SYNE1: variants seen among roughly 807,000 people sequenced by gnomAD.
SYNE1 encodes spectrin repeat containing nuclear envelope protein 1.
In SYNE1, 616 loss-of-function variants were observed where a neutral mutation model predicts 1,111.0. The ratio of observed to expected loss-of-function variants is 0.55; its 90% CI spans 0.52 to 0.59. The LOEUF (loss-of-function observed/expected upper bound fraction) is 0.59. Ranked by LOEUF, SYNE1 falls within the 20% of genes least tolerant of loss-of-function variation. The pLI is 0.00. For synonymous variants in SYNE1, 3,855 were observed against 3,825.8 expected (o/e 1.01, Z -0.28); for missense variants, 10,006 against 10,417.0 (o/e 0.96, Z 1.72).
intron 3 of SYNE1, among the ~76,000 whole-genome samples, chr6:152,613,435 C>A (rs2128815165): frequency 6.6e-6 from 1 of 152,258 alleles, no homozygotes; most frequent in South Asian, 2.1e-4. Context: ...AGGAATCCAA[C>A]TTACAAGGGA....
intron 21 of SYNE1, among the ~76,000 whole-genome samples, chr6:152,461,109 C>G (rs1452669603): frequency 1.3e-5 from 2 of 152,094 alleles, no homozygotes; most frequent in African/African-American, 4.8e-5. Context: ...CTGCACCTGG[C>G]CTAAATGTAT....
intron 50 of SYNE1, among the ~76,000 whole-genome samples, chr6:152,396,397 A>G (rs1241014888): frequency 6.6e-6 from 1 of 152,190 alleles, no homozygotes; most frequent in East Asian, 1.9e-4. Context: ...ATCTAGATCC[A>G]CAGAATTCAA....
chr6:152,452,059 T>A (rs2295041), intron 25 of SYNE1, among the ~76,000 whole-genome samples: 22,658 of 151,420 alleles, frequency 0.15, 1,931 homozygotes, highest in East Asian at 0.43. Flanking sequence ...ACCTGCCATA[T>A]CCTCTTTTCC....
chr6:152,222,280 T>G (rs9371244), intron 117 of SYNE1, among the ~76,000 whole-genome samples: 35,595 of 152,088 alleles, frequency 0.23, 4,661 homozygotes, highest in East Asian at 0.55. Context: ...AGAAATCCTT[T>G]AAGTGCTCAT....
chr6:152,159,021 G>A (rs931826301), intron 131 of SYNE1, among the ~76,000 whole-genome samples: 5 of 152,048 alleles, frequency 3.3e-5, no homozygotes, highest in East Asian at 1.9e-4. Context: ...GCACAATCTC[G>A]GCTCACTGCA....
chr6:152,331,157 C>G lies in SYNE1; in HGVS notation c.13528G>C (p.Val4510Leu). Residue 4510 changes from valine to leucine, a missense_variant, in exon 78 of 146, where the codon GTC becomes CTC. Around this residue, in one of 7 missense-constraint regions of SYNE1, gnomAD observed 4,955 missense variants for 5,017.2 expected, o/e 0.99. Coordinates refer to ENST00000367255, the MANE Select transcript of SYNE1 (RefSeq NM_182961.4). ...CGACCCTGGGCCCAAAGTCCAGTGA[C>G]TTCATTTTGGTAAGTCTTGAGGCTG... Reference protein sequence around the residue: ...QASLKTYQNEVTGLWAQGREL... With the variant: ...QASLKTYQNELTGLWAQGREL... 1 of 1,614,104 alleles carries G rather than the reference C, an allele frequency of 6.2e-7. No individual in the cohort carries two copies. The highest frequency in any genetic ancestry group is 8.5e-7 in the Non-Finnish European group (1 of 1,180,036).
At chr6:152,314,673 GAATA>G (rs1009804781) in intron 87 of SYNE1, among the ~76,000 whole-genome samples, 4 of 152,010 alleles carry the variant, frequency 2.6e-5, no homozygotes, top group African/African-American at 9.7e-5. Context: ...TATGTTTGTT[GAATA>G]AATAAACAAA....
chr6:152,223,203 C>A (rs997440941), intron 117 of SYNE1, among the ~76,000 whole-genome samples: 1 of 152,154 alleles, frequency 6.6e-6, no homozygotes, highest in African/African-American at 2.4e-5. Context: ...ATAAGATGTG[C>A]TTTTAAATTT....
At chr6:152,353,809 T>A in intron 67 of SYNE1, 65 bp from the exon 68 acceptor site, 1 of 1,594,324 alleles carries the variant, frequency 6.3e-7, no homozygotes, top group Non-Finnish European at 8.6e-7. Context: ...CAAATGTATA[T>A]CTTCTTATAG....
intron 52 of SYNE1, 51 bp downstream of exon 52, chr6:152,391,226 A>G (rs553100100): frequency 6.2e-7 from 1 of 1,610,012 alleles, no homozygotes; most frequent in African/African-American, 1.3e-5. Flanking sequence ...TTGTGAATCT[A>G]ATCAAATTAG....
At chr6:152,266,762 C>T (rs1272229883) in intron 100 of SYNE1, among the ~76,000 whole-genome samples, 2 of 152,130 alleles carry the variant, frequency 1.3e-5, no homozygotes, top group Non-Finnish European at 2.9e-5. Context: ...ATATCTGCTG[C>T]AATTGCATTT....
rs755192690 is a variant in SYNE1 at position 152,331,065 on chromosome 6, C to G, written c.13620G>C (p.Gln4540His). 6.2e-7 allele frequency: 1 copy of G among 1,614,160 alleles called. No homozygotes were observed. The highest frequency in any genetic ancestry group is 1.7e-5 in the Admixed American group (1 of 60,034). ...TTTGTAAAACACTGTCATAGACACT[C>G]TGCAATTCCTGAAGCTTCCCCAGCA... The part of the protein sequence containing the change: ...SEVLGKLQEL[Q>H]SVYDSVLQKC... Residue 4540 changes from glutamine to histidine, a missense_variant, in exon 78 of 146, where the codon CAG becomes CAC. Transcript: ENST00000367255.
chr6:152,217,845 T>C (rs2079113499), intron 121 of SYNE1, among the ~76,000 whole-genome samples: 1 of 152,124 alleles, frequency 6.6e-6, no homozygotes, highest in African/African-American at 2.4e-5. Flanking sequence ...GCACACAGTC[T>C]ACTGTTTGCC....
rs201978632 is a variant in SYNE1, at chr6:152,350,588, C to G, written c.11733+30G>C. On this transcript the variant is annotated intron_variant, in intron 71 of 145. Transcript: ENST00000367255. The stretch of plus-strand genomic sequence containing the variant: ...AGGGCCCACATTTTGGAAAATAAAC[C>G]CTTTTACGGAGTCTTTCATCTCTCC... 7.0e-4 allele frequency: 1,127 copies of G among 1,614,012 alleles called. 2 individuals carry two copies. The highest frequency in any genetic ancestry group is 1.2e-3 in the Admixed American group (74 of 60,010).
Position 152,205,085 on chromosome 6 carries a change from A to G in SYNE1, c.23019+1083T>C, listed in dbSNP as rs528480330. On this transcript the variant is annotated intron_variant, in intron 126 of 145. Transcript: ENST00000367255. The stretch of plus-strand genomic sequence containing the variant: ...TGGATTGCTTACTACACAGAAGGCA[A>G]TATATTATTAAATAAAATTCAATAG... Among the ~76,000 whole-genome samples the G allele has an allele frequency of 3.9e-5, 6 of 152,262 alleles. No individual in the cohort carries two copies. In the South Asian group the frequency reaches 8.3e-4, roughly 21 times the overall value.
intron 98 of SYNE1, among the ~76,000 whole-genome samples, chr6:152,272,590 T>G (rs2093294354): frequency 6.6e-6 from 1 of 152,206 alleles, no homozygotes; most frequent in Non-Finnish European, 1.5e-5. Flanking sequence ...CAGGAGATCT[T>G]ACTACATGCC....
chr6:152,459,218 G>T (rs2098716229), intron 21 of SYNE1, among the ~76,000 whole-genome samples: 1 of 151,994 alleles, frequency 6.6e-6, no homozygotes, highest in Admixed American at 6.6e-5. Flanking sequence ...ATTGTTTTTA[G>T]TGAGCCAGAT....
At chr6:152,329,138 C>A (rs1590189650) in intron 78 of SYNE1, among the ~76,000 whole-genome samples, 1 of 152,182 alleles carries the variant, frequency 6.6e-6, no homozygotes, top group Non-Finnish European at 1.5e-5. Flanking sequence ...TTTATCATCT[C>A]TTTTAAGGTG....
At chr6:152,348,952 A>G (rs1357925199) in intron 72 of SYNE1, among the ~76,000 whole-genome samples, 1 of 152,216 alleles carries the variant, frequency 6.6e-6, no homozygotes, top group Non-Finnish European at 1.5e-5. Flanking sequence ...GAACCACTCC[A>G]TCATGAGGCC....
Sources: allele counts gnomAD v4.1 joint callset (sites outside exome capture counted in the v4.1 genomes callset), GRCh38; gene constraint gnomAD v4.1.1; regional missense constraint gnomAD v4.1.1; transcripts MANE v1.5; gene names NCBI Gene and HGNC (gene_info 2026-07-23, HGNC 2026-07-21).